The following USH2A variants were observed in gnomAD, a reference collection of about 807,000 sequenced individuals.
The protein encoded by USH2A is Usher syndrome 2A (autosomal recessive, mild).
Under a neutral mutation model 538.9 loss-of-function variants are expected in USH2A, and 443 were observed. The ratio of observed to expected loss-of-function variants is 0.82; its 90% CI spans 0.76 to 0.89. The LOEUF (loss-of-function observed/expected upper bound fraction) is 0.89. USH2A is among the 40% of genes least tolerant of loss of function. The pLI is 0.00. For synonymous variants in USH2A, 2,413 were observed against 2,273.5 expected (o/e 1.06, Z -1.75); for missense variants, 6,633 against 6,324.8 (o/e 1.05, Z -1.65).
chr1:216,104,798 A>G (rs2032690299), intron 21 of USH2A, among the ~76,000 whole-genome samples: 1 of 152,228 alleles, frequency 6.6e-6, no homozygotes, highest in Admixed American at 6.5e-5. Context: ...AAGCAATGGC[A>G]ACAAAAGCCA....
At chr1:216,234,881 T>C (rs561567249) in intron 13 of USH2A, among the ~76,000 whole-genome samples, 1 of 152,038 alleles carries the variant, frequency 6.6e-6, no homozygotes, top group East Asian at 1.9e-4. Context: ...AGAGAAGAAC[T>C]AAAAAGATGC....
At chr1:216,238,627 G>A (rs764278682) in intron 13 of USH2A, among the ~76,000 whole-genome samples, 8 of 152,186 alleles carry the variant, frequency 5.3e-5, no homozygotes, top group Non-Finnish European at 8.8e-5. Flanking sequence ...GTGCACTGCT[G>A]CTTTAACAAA....
intron 20 of USH2A, among the ~76,000 whole-genome samples, chr1:216,186,705 T>C (rs2034612765): frequency 6.6e-6 from 1 of 151,944 alleles, no homozygotes; most frequent in South Asian, 2.1e-4. Context: ...ATAATTGGCA[T>C]GGATGTGTTT....
At chr1:216,170,674 G>A (rs1015700474) in intron 21 of USH2A, among the ~76,000 whole-genome samples, 2 of 152,046 alleles carry the variant, frequency 1.3e-5, no homozygotes, top group Non-Finnish European at 2.9e-5. Context: ...AAGTGACAAG[G>A]AGAAAGAGGG....
intron 37 of USH2A, among the ~76,000 whole-genome samples, chr1:215,952,564 G>T (rs1040758964): frequency 6.6e-6 from 1 of 152,130 alleles, no homozygotes; most frequent in Non-Finnish European, 1.5e-5. Context: ...AGCTCTTTTA[G>T]GGCAGGTGTG....
intron 58 of USH2A, among the ~76,000 whole-genome samples, chr1:215,747,556 T>A (rs11120618): frequency 0.31 from 46,839 of 151,888 alleles, 7,485 homozygotes; most frequent in Admixed American, 0.4. Context: ...ATGAGAAAAA[T>A]TTAAGTACTG....
chr1:216,261,633 G>A (rs892805214), intron 11 of USH2A, among the ~76,000 whole-genome samples: 6 of 152,070 alleles, frequency 3.9e-5, no homozygotes, highest in Non-Finnish European at 7.4e-5. Context: ...ACATTTTCCA[G>A]ACATGAAACC....
At chr1:216,043,148 G>A (rs1180754608) in intron 32 of USH2A, among the ~76,000 whole-genome samples, 1 of 152,050 alleles carries the variant, frequency 6.6e-6, no homozygotes, top group African/African-American at 2.4e-5. Context: ...CAAGCAGAAT[G>A]TATAGAAATT....
intron 13 of USH2A, among the ~76,000 whole-genome samples, chr1:216,239,104 G>GAAA (rs59434332): frequency 1.4e-5 from 2 of 140,998 alleles, no homozygotes; most frequent in Non-Finnish European, 1.5e-5. Flanking sequence ...ATAAAACCAG[G>GAAA]AAAAAAAAAA....
intron 21 of USH2A, among the ~76,000 whole-genome samples, chr1:216,146,542 T>C (rs2033708316): frequency 6.6e-6 from 1 of 152,060 alleles, no homozygotes; most frequent in Non-Finnish European, 1.5e-5. Context: ...CAAGTACCCC[T>C]CAACCCCTTC....
chr1:215,738,436 A>G (rs1372625441), intron 60 of USH2A, among the ~76,000 whole-genome samples: 1 of 152,136 alleles, frequency 6.6e-6, no homozygotes, highest in Non-Finnish European at 1.5e-5. Context: ...AATCATATTA[A>G]TAGTTTGTTC....
intron 11 of USH2A, among the ~76,000 whole-genome samples, chr1:216,261,904 A>C (rs1189676854): frequency 6.6e-6 from 1 of 152,140 alleles, no homozygotes; most frequent in Non-Finnish European, 1.5e-5. Context: ...AAGTCATGTC[A>C]CTGCTGCCAC....
chr1:216,117,233 G>A (rs978542342), intron 21 of USH2A, among the ~76,000 whole-genome samples: 3 of 151,988 alleles, frequency 2.0e-5, no homozygotes, highest in African/African-American at 4.8e-5. Flanking sequence ...CCAGGCCAAG[G>A]AATACCTAAA....
chr1:216,392,189 T>C (rs1469190890), intron 3 of USH2A, among the ~76,000 whole-genome samples: 1 of 151,930 alleles, frequency 6.6e-6, no homozygotes, highest in Non-Finnish European at 1.5e-5. Flanking sequence ...ATACAAAACA[T>C]TCTACATTAT....
chr1:215,632,881 C>A (rs975636558), intron 70 of USH2A, among the ~76,000 whole-genome samples: 1 of 152,124 alleles, frequency 6.6e-6, no homozygotes, highest in Non-Finnish European at 1.5e-5. Flanking sequence ...GAGCAAACAG[C>A]CCATGGTTCG....
chr1:216,287,354 T>A (rs887638335), intron 11 of USH2A, among the ~76,000 whole-genome samples: 2 of 152,198 alleles, frequency 1.3e-5, no homozygotes, highest in African/African-American at 4.8e-5. Flanking sequence ...AATGGTACAG[T>A]CTTTCATAAT....
chr1:216,194,951 G>T (rs2034806148), intron 19 of USH2A, among the ~76,000 whole-genome samples: 1 of 152,040 alleles, frequency 6.6e-6, no homozygotes, highest in Non-Finnish European at 1.5e-5. Flanking sequence ...AAGCATTGTG[G>T]GAAAAAATGT....
At chr1:215,914,345 A>C in intron 38 of USH2A, among the ~76,000 whole-genome samples, 1 of 152,016 alleles carries the variant, frequency 6.6e-6, no homozygotes, top group East Asian at 1.9e-4. Context: ...ATGGGAATGA[A>C]TTTGGTCTAA....
intron 50 of USH2A, among the ~76,000 whole-genome samples, chr1:215,797,296 A>G (rs1662170784): frequency 6.6e-6 from 1 of 152,242 alleles, no homozygotes; most frequent in African/African-American, 2.4e-5. Context: ...AAGGTGAAGC[A>G]GCAAGTGCTG....
Sources: gnomAD v4.1 joint callset for allele counts (sites outside exome capture counted in the v4.1 genomes callset) on GRCh38, gnomAD v4.1.1 for gene constraint, MANE v1.5 for transcripts, NCBI Gene and HGNC (gene_info 2026-07-23, HGNC 2026-07-21) for gene names.